The following SMC1B variants were observed in gnomAD, a reference collection of about 807,000 sequenced individuals.
SMC1B encodes structural maintenance of chromosomes 1B.
SMC1B carries 60 observed loss-of-function variants against 157.9 expected under a neutral mutation model. That is an observed-to-expected ratio of 0.38 (90% CI 0.31 to 0.47). The LOEUF is 0.47. SMC1B is among the 20% of genes least tolerant of loss of function. The pLI is 0.99. For missense variants in SMC1B, 1,165 were observed against 1,426.2 expected (o/e 0.82, Z 2.95); for synonymous variants, 445 against 483.0 (o/e 0.92, Z 1.03).
intron 12 of SMC1B, among the ~76,000 whole-genome samples, chr22:45,382,921 G>A (rs2086950870): frequency 6.6e-6 from 1 of 152,122 alleles, no homozygotes; most frequent in Non-Finnish European, 1.5e-5. Flanking sequence ...ATCAACTGAG[G>A]TCAGGAGTTC....
chr22:45,374,208 A>T (rs2086862900), intron 12 of SMC1B, among the ~76,000 whole-genome samples: 1 of 150,688 alleles, frequency 6.6e-6, no homozygotes, highest in Non-Finnish European at 1.5e-5. Context: ...TTTAAGAAAA[A>T]GGGATGTTCA....
At chr22:45,398,957 GA>G (rs1260127896) in intron 6 of SMC1B, 137 bp downstream of exon 6, 4 of 893,628 alleles carry the variant, frequency 4.5e-6, no homozygotes, top group Non-Finnish European at 6.8e-6. Flanking sequence ...TATACAGGCT[GA>G]AAAATTTAAA....
chr22:45,355,542 C>T (rs1352794484), intron 19 of SMC1B, among the ~76,000 whole-genome samples: 3 of 152,118 alleles, frequency 2.0e-5, no homozygotes, highest in Admixed American at 2.0e-4. Flanking sequence ...TGGTCTTGAG[C>T]TCCTGACCTT....
chr22:45,364,920 C>T (rs1027933963), intron 15 of SMC1B, among the ~76,000 whole-genome samples: 2 of 147,242 alleles, frequency 1.4e-5, no homozygotes, highest in African/African-American at 5.0e-5. Flanking sequence ...TCACTGCAAG[C>T]TCCGCTTCCC....
chr22:45,391,713 A>T (rs151069091), intron 9 of SMC1B, among the ~76,000 whole-genome samples: 120 of 152,328 alleles, frequency 7.9e-4, no homozygotes, highest in African/African-American at 2.7e-3. Flanking sequence ...GGTAGGGGCA[A>T]GTGAGAACTC....
chr22:45,352,745 G>T, intron 21 of SMC1B, 143 bp from the exon 22 acceptor site: 3 of 804,300 alleles, frequency 3.7e-6, no homozygotes, highest in Non-Finnish European at 5.7e-6. Flanking sequence ...AATGTATTTA[G>T]TTCTACATGT....
chr22:45,384,945 A>G (rs976955379), intron 11 of SMC1B, among the ~76,000 whole-genome samples: 3 of 152,064 alleles, frequency 2.0e-5, no homozygotes, highest in Admixed American at 2.0e-4. Context: ...TCTTTTCACA[A>G]ATTTTCCAGC....
chr22:45,408,620 A>C, intron 2 of SMC1B, 90 bp downstream of exon 2: 1 of 838,578 alleles, frequency 1.2e-6, no homozygotes, highest in Non-Finnish European at 1.8e-6. Context: ...CACCAGTAGA[A>C]TAATAAACCA....
intron 12 of SMC1B, among the ~76,000 whole-genome samples, chr22:45,376,081 G>C (rs767184421): frequency 6.6e-6 from 1 of 152,158 alleles, no homozygotes; most frequent in East Asian, 1.9e-4. Flanking sequence ...TATTTGGCTA[G>C]TCAAGCATAG....
chr22:45,410,741 A>G (rs1405595389), intron 1 of SMC1B, among the ~76,000 whole-genome samples: 1 of 152,142 alleles, frequency 6.6e-6, no homozygotes, highest in Non-Finnish European at 1.5e-5. Context: ...CAATGCCAAA[A>G]CTAGGAAAGT....
At chr22:45,379,757 T>C (rs956973063) in intron 12 of SMC1B, among the ~76,000 whole-genome samples, 2 of 146,922 alleles carry the variant, frequency 1.4e-5, no homozygotes, top group African/African-American at 2.5e-5. Context: ...AGACAGATTC[T>C]TGCTCTGGAG....
At position 45,394,885 on chromosome 22, in the gene SMC1B, A is replaced by C. The variant is rs2087105481; in HGVS notation, c.1255-118T>G. 8.6e-6 allele frequency: 10 copies of C among 1,157,246 alleles called. No homozygotes were observed. In the East Asian group the frequency reaches 3.5e-4, roughly 40 times the overall value. The allele number at this position is 1,157,246 out of a possible 1,614,324, so 71.7% of individuals were successfully genotyped here. ...ATAAAATTGAAAGATATCAAATATA[A>C]TTATATGAAAACACTTATCAGAGCA... On this transcript the variant is annotated intron_variant, in intron 7 of 24. Transcript: ENST00000357450.
At chr22:45,361,348 C>A (rs1169736219) in intron 17 of SMC1B, among the ~76,000 whole-genome samples, 1 of 152,206 alleles carries the variant, frequency 6.6e-6, no homozygotes, top group East Asian at 1.9e-4. Context: ...AGCAGTGGCT[C>A]ACGCCTATAA....
intron 6 of SMC1B, among the ~76,000 whole-genome samples, chr22:45,398,376 G>A (rs997214623): frequency 1.3e-5 from 2 of 152,214 alleles, no homozygotes; most frequent in Non-Finnish European, 2.9e-5. Flanking sequence ...GCTGGGGGCT[G>A]AGTGAGCAGT....
At chr22:45,362,811 G>A (rs1266287288) in intron 16 of SMC1B, 74 bp downstream of exon 16, 31 of 1,239,200 alleles carry the variant, frequency 2.5e-5, no homozygotes, top group South Asian at 1.6e-4. Context: ...CTTCAGGAGC[G>A]CACAAAAGGT....
chr22:45,374,302 T>C (rs1358393447), intron 12 of SMC1B, among the ~76,000 whole-genome samples: 1 of 152,042 alleles, frequency 6.6e-6, no homozygotes, highest in Non-Finnish European at 1.5e-5. Flanking sequence ...AACAAAAAAC[T>C]TTTAGATGAT....
At chr22:45,385,229 C>A (rs953258399) in intron 11 of SMC1B, among the ~76,000 whole-genome samples, 1 of 151,970 alleles carries the variant, frequency 6.6e-6, no homozygotes, top group African/African-American at 2.4e-5. Context: ...CTATAGCTAG[C>A]AGAATTGATG....
At chr22:45,388,379 A>G (rs539832791) in intron 10 of SMC1B, among the ~76,000 whole-genome samples, 4 of 152,344 alleles carry the variant, frequency 2.6e-5, no homozygotes, top group African/African-American at 9.6e-5. Flanking sequence ...TATATTTGAT[A>G]CACTTCTGTG....
At chr22:45,400,773 CAT>C (rs1217444611) in intron 5 of SMC1B, among the ~76,000 whole-genome samples, 16 of 152,092 alleles carry the variant, frequency 1.1e-4, no homozygotes, top group Admixed American at 1.0e-3. Flanking sequence ...TGATATGACA[CAT>C]GATATAGTAC....
Sources: allele counts gnomAD v4.1 joint callset (sites outside exome capture counted in the v4.1 genomes callset), GRCh38; gene constraint gnomAD v4.1.1; transcripts MANE v1.5; gene names NCBI Gene and HGNC (gene_info 2026-07-23, HGNC 2026-07-21).